RNF215: variants seen among roughly 807,000 people sequenced by gnomAD.
RNF215 encodes the protein ring finger protein 215.
A neutral mutation model predicts 44.8 loss-of-function variants in RNF215; 41 were observed. The ratio of observed to expected loss-of-function variants is 0.92; its 90% confidence interval spans 0.71 to 1.19. RNF215 has a LOEUF of 1.19. RNF215 is among the 50% of genes most tolerant of loss of function. The pLI, the probability that RNF215 is intolerant of heterozygous loss-of-function variation, is 0.00. For missense variants in RNF215, 452 were observed against 496.2 expected, an observed-to-expected ratio of 0.91 and a Z score of 0.85; for synonymous variants, 218 against 230.1, an observed-to-expected ratio of 0.95 and a Z score of 0.48.
chr22:30,380,790 TC>T lies in RNF215; in HGVS notation c.745-390del. ...TCTCCCACCCCCATCCTCCTGCACT[TC>T]CTCCTGGTCGGCTTTCTCAGGCCCT... On this transcript the variant is annotated intron_variant, in intron 5 of 8. Transcript: ENST00000382363. The surrounding 1 kb of genome is among the most constrained non-coding windows in gnomAD (Gnocchi z 5.3). Among the ~76,000 whole-genome samples, 2 of 152,024 alleles carry T rather than the reference TC, an allele frequency of 1.3e-5. No individual in the cohort carries two copies. Among genetic ancestry groups the T allele is most frequent in the Non-Finnish European group, 2.9e-5 (2 of 67,972 alleles).
intron 4 of RNF215, among the ~76,000 whole-genome samples, chr22:30,385,421 CAA>C (rs917390932): frequency 1.3e-4 from 7 of 52,992 alleles, no homozygotes; most frequent in South Asian, 6.7e-4. Context: ...AACTCCATCT[CAA>C]AAAAAAAAAA....
At chr22:30,385,783 C>T (rs1683513199) in intron 4 of RNF215, 121 bp downstream of exon 4, 1 of 805,092 alleles carries the variant, frequency 1.2e-6, no homozygotes. Flanking sequence ...GATACTCCAT[C>T]TCAAAAAAAA....
rs754799848 is a variant in RNF215, at chr22:30,380,107, A to ACCCGGATCTGGGAGGCCCTGCGCAGG, written c.962_963insCCTGCGCAGGGCCTCCCAGATCCGGG (p.Ala322LeufsTer44). On this transcript the variant is annotated frameshift_variant, in exon 7 of 9. Coordinates refer to ENST00000382363, the MANE Select transcript of RNF215 (RefSeq NM_001017981.2). LOFTEE classifies it high-confidence loss of function. The surrounding 1 kb of genome is among the most constrained non-coding windows in gnomAD (Gnocchi z 5.3). ...CCAGGCACACCGCACAGGTCTCAGC[A>ACCCGGATCTGGGAGGCCCTGCGCAGG]CCCGGATCTGGGAGGCCCTGCGCTG... 2 of 1,613,830 alleles carry ACCCGGATCTGGGAGGCCCTGCGCAGG rather than the reference A, an allele frequency of 1.2e-6. No homozygotes were observed. The highest frequency in any genetic ancestry group is 4.5e-5 in the East Asian group (2 of 44,872).
At chr22:30,384,528 G>A (rs201430794) in intron 4 of RNF215, 33 bp from the exon 5 acceptor site, 2 of 1,602,458 alleles carry the variant, frequency 1.2e-6, no homozygotes, top group East Asian at 2.2e-5. Context: ...CCAGATGGAA[G>A]GACTCTTGGG....
At position 30,387,191 on chromosome 22, in the gene RNF215, G is replaced by A. The variant is rs1933614931; in HGVS notation, c.123C>T (p.Ala41=). 3.9e-6 allele frequency: 4 copies of A among 1,031,368 alleles called. No individual in the cohort carries two copies. In the African/African-American group the frequency reaches 6.9e-5, roughly 18 times the overall value. 63.9% of individuals were successfully genotyped at this position (1,031,368 alleles called of 1,614,324 possible). ...CCGCCGGCTCGCTGCCGTCCGCCGC[G>A]GCCCCGGGCCCCGCCAGGCCCAGCC... is the stretch of plus-strand genomic sequence containing the variant. ...PLWLGLAGPG[A]AADGSEPAAG... The change falls in exon 1 of 9, where the codon GCC becomes GCT. Residue 41 remains alanine (A), a synonymous_variant. Transcript: ENST00000382363.
Position 30,386,082 on chromosome 22 carries a change from G to A in RNF215, c.489C>T (p.Asn163=), listed in dbSNP as rs771118117. ...SALLLLILNH[N]VVRELDISQL... Reference sequence around the variant, plus strand: ...TGGTCCGATTTACCTCTCGGACCACGTTGTGGTTCAGGATGAGAAGAAGCA... The same window carrying A: ...TGGTCCGATTTACCTCTCGGACCACATTGTGGTTCAGGATGAGAAGAAGCA... The change falls in exon 3 of 9, where the codon AAC becomes AAT. Residue 163 remains asparagine (N), a synonymous_variant. Transcript: ENST00000382363. 9.9e-6 allele frequency: 16 copies of A among 1,612,048 alleles called. No homozygotes were observed. The highest frequency in any genetic ancestry group is 1.7e-4 in the Middle Eastern group (1 of 5,732).
In RNF215 at chr22:30,386,616, C is replaced by G. The variant is rs767151558; in HGVS notation, c.429G>C (p.Gln143His). 2.5e-6 allele frequency: 4 copies of G among 1,611,906 alleles called. No homozygotes were observed. Among genetic ancestry groups the G allele is most frequent in the Non-Finnish European group, 3.4e-6 (4 of 1,179,316 alleles). The change falls in exon 2 of 9, where the codon CAG becomes CAC. Residue 143 changes from glutamine (Q) to histidine (H), a missense_variant and splice_region_variant. Gln to His is a conservative substitution (Grantham distance 24). Transcript: ENST00000382363. ...PQAYPKALVQQMRRALFLGAS... is the reference protein window; with the variant it reads ...PQAYPKALVQHMRRALFLGAS... ...CCTCCCCCATAGACATCCCCTGCACCTGCTGGACCAGGGCCTTGGGATAGG... is the reference window on the plus strand; with the variant it reads ...CCTCCCCCATAGACATCCCCTGCACGTGCTGGACCAGGGCCTTGGGATAGG...
Position 30,387,375 on chromosome 22 carries a change from G to T in RNF215, c.-62C>A. 9.8e-7 allele frequency: 1 copy of T among 1,015,366 alleles called. No individual in the cohort carries two copies. The highest frequency in any genetic ancestry group is 1.2e-6 in the Non-Finnish European group (1 of 845,724). 62.9% of individuals were successfully genotyped at this position (1,015,366 alleles called of 1,614,324 possible). ...GGGGTCCCGGGCGCGGGGGGGATCG[G>T]AGGGAGCGAGGCCGCTGCCGGACGG... On this transcript the variant is annotated 5_prime_UTR_variant, in exon 1 of 9. Coordinates refer to ENST00000382363, the MANE Select transcript of RNF215 (RefSeq NM_001017981.2).
intron 2 of RNF215, 101 bp from the exon 3 acceptor site, chr22:30,386,242 A>G (rs1933598541): frequency 8.9e-7 from 1 of 1,128,466 alleles, no homozygotes; most frequent in Admixed American, 2.1e-5. Flanking sequence ...CCCTGCAGTG[A>G]GCAAAACTCT....
In RNF215 at chr22:30,384,482, T is replaced by C. The variant is rs1270494528; in HGVS notation, c.601A>G (p.Thr201Ala). The C allele has an allele frequency of 3.7e-6, 6 of 1,613,682 alleles. No homozygotes were observed. The highest frequency in any genetic ancestry group is 5.1e-6 in the Non-Finnish European group (6 of 1,179,782). The change falls in exon 5 of 9, where the codon ACG (threonine) becomes GCG (alanine). Residue 201 changes from threonine to alanine, a missense_variant. By Grantham distance (58) the Thr-to-Ala change is moderately conservative (BLOSUM62 0). Transcript: ENST00000382363. ...LDALLQRTQA[T>A]AEITSGESLS... ...GACTCTCCGCTGGTGATCTCAGCCGTGGCCTGGGTCCTCCTGGGAGGGGAA... is the reference window on the plus strand; with the variant it reads ...GACTCTCCGCTGGTGATCTCAGCCGCGGCCTGGGTCCTCCTGGGAGGGGAA...
rs1201103710 is a variant in RNF215, at chr22:30,384,355, C to T, written c.728G>A (p.Ser243Asn). The T allele has an allele frequency of 6.2e-7, 1 of 1,613,598 alleles. No homozygotes were observed. The highest frequency in any genetic ancestry group is 8.5e-7 in the Non-Finnish European group (1 of 1,179,640). ...AGCACCCACCTGCTCCTGGGCACGA[C>T]TGCCTCCAAGGCAGACCAAGTCCTG... ...GWQDLVCLGG[S>N]RAQEQKPLQQ... is the part of the protein sequence containing the mutation. Residue 243 changes from serine to asparagine, a missense_variant, in exon 5 of 9, where the codon AGT becomes AAT. By Grantham distance (46) the Ser-to-Asn change is conservative. Transcript: ENST00000382363.
Position 30,379,288 on chromosome 22 carries a change from A to G in RNF215, c.*312T>C. On this transcript the variant is annotated 3_prime_UTR_variant, in exon 9 of 9. Coordinates refer to ENST00000382363, the MANE Select transcript of RNF215 (RefSeq NM_001017981.2). Reference sequence around the variant, plus strand: ...CCCTGGCGACAGCTACACTGGCCCCATATTCTCTTTCCTTATTGACCTGGG... The same window carrying G: ...CCCTGGCGACAGCTACACTGGCCCCGTATTCTCTTTCCTTATTGACCTGGG... 2 of 430,498 alleles carry G rather than the reference A, an allele frequency of 4.6e-6. No homozygotes were observed. Among genetic ancestry groups the G allele is most frequent in the Non-Finnish European group, 8.6e-6 (2 of 233,082 alleles). The allele number at this position is 430,498 out of a possible 1,614,324, so 26.7% of individuals were successfully genotyped here.
At position 30,386,602 on chromosome 22, in the gene RNF215, G is replaced by A. The variant is rs1933603215; in HGVS notation, c.429+14C>T. 6.2e-7 allele frequency: 1 copy of A among 1,608,188 alleles called. No homozygotes were observed. The highest frequency in any genetic ancestry group is 1.3e-5 in the African/African-American group (1 of 74,838). On this transcript the variant is annotated intron_variant, in intron 2 of 8. Transcript: ENST00000382363. ...CTTTCCTCCAGCCCCCTCCCCCATA[G>A]ACATCCCCTGCACCTGCTGGACCAG...
chr22:30,386,599 A>T lies in RNF215; in HGVS notation c.429+17T>A. The T allele has an allele frequency of 6.2e-7, 1 of 1,607,334 alleles. No homozygotes were observed. The highest frequency in any genetic ancestry group is 8.5e-7 in the Non-Finnish European group (1 of 1,177,048). ...ATCCTTTCCTCCAGCCCCCTCCCCC[A>T]TAGACATCCCCTGCACCTGCTGGAC... On this transcript the variant is annotated intron_variant, in intron 2 of 8. Coordinates refer to ENST00000382363, the MANE Select transcript of RNF215 (RefSeq NM_001017981.2).
At chr22:30,384,664 G>T in intron 4 of RNF215, 169 bp from the exon 5 acceptor site, 1 of 582,066 alleles carries the variant, frequency 1.7e-6, no homozygotes, top group Non-Finnish European at 3.0e-6. Context: ...TTTCACACCA[G>T]CCAGGCCAGG....
rs1286348936 is a variant in RNF215, at chr22:30,387,071, G to C, written c.243C>G (p.Ser81=). 4.5e-6 allele frequency: 7 copies of C among 1,542,252 alleles called. No individual in the cohort carries two copies. Among genetic ancestry groups the C allele is most frequent in the South Asian group, 1.2e-5 (1 of 84,410 alleles). ...CCAGCAGGGGCGCCGGGTCGGCTTC[G>C]GAGCCGATCCTGACGCCCTCCAGGA... ...ALVLEGVRIG[S]EADPAPLLGG... is the part of the protein sequence containing the mutation. The change falls in exon 1 of 9, where the codon TCC becomes TCG. Residue 81 remains serine (S), a synonymous_variant. Coordinates refer to ENST00000382363, the MANE Select transcript of RNF215 (RefSeq NM_001017981.2).
Position 30,380,502 on chromosome 22 carries a change from T to G in RNF215, c.745-101A>C. ...CGCCAGGGAGCAGGCAGGTGAGGTA[T>G]GCTGACGGCCTCTGTGTCCCTGCAG... On this transcript the variant is annotated intron_variant, in intron 5 of 8. Coordinates refer to ENST00000382363, the MANE Select transcript of RNF215 (RefSeq NM_001017981.2). This position sits in a 1 kb window ranked among gnomAD's most constrained non-coding sequence, Gnocchi z 5.3. 1 of 1,425,638 alleles carries G rather than the reference T, an allele frequency of 7.0e-7. No homozygotes were observed. The allele number at this position is 1,425,638 out of a possible 1,614,324, so 88.3% of individuals were successfully genotyped here. A position where few individuals can be genotyped will look rare whatever the true frequency, so the allele number is the denominator to read the frequency against.
chr22:30,379,283 G>C lies in RNF215; in HGVS notation c.*317C>G, dbSNP rs201711995. On this transcript the variant is annotated 3_prime_UTR_variant, in exon 9 of 9. Coordinates refer to ENST00000382363, the MANE Select transcript of RNF215 (RefSeq NM_001017981.2). ...CAGAACCCTGGCGACAGCTACACTG[G>C]CCCCATATTCTCTTTCCTTATTGAC... is the stretch of plus-strand genomic sequence containing the variant. The C allele has an allele frequency of 7.2e-6, 3 of 414,886 alleles. No individual in the cohort carries two copies. Among genetic ancestry groups the C allele is most frequent in the Non-Finnish European group, 1.3e-5 (3 of 223,988 alleles). 25.7% of individuals were successfully genotyped at this position (414,886 alleles called of 1,614,324 possible). A position where few individuals can be genotyped will look rare whatever the true frequency, so the allele number is the denominator to read the frequency against.
chr22:30,383,340 C>T (rs923278193), intron 5 of RNF215, among the ~76,000 whole-genome samples: 1 of 152,168 alleles, frequency 6.6e-6, no homozygotes, highest in African/African-American at 2.4e-5. Flanking sequence ...TGCGCTCAGC[C>T]CCACCCCAAG....
Sources: gnomAD v4.1 joint callset for allele counts (sites outside exome capture counted in the v4.1 genomes callset) on GRCh38, gnomAD v4.1.1 for gene constraint, Gnocchi (gnomAD v3.1) non-coding constraint, MANE v1.5 for transcripts, NCBI Gene and HGNC (gene_info 2026-07-23, HGNC 2026-07-21) for gene names.